The following SOX5 variants were observed in gnomAD, a reference collection of about 807,000 sequenced individuals.
SOX5 encodes transcription factor SOX-5.
A neutral mutation model predicts 92.0 loss-of-function variants in SOX5; 9 were observed. The observed-to-expected ratio is 0.10, with a 90% CI of 0.06 to 0.17. The LOEUF (loss-of-function observed/expected upper bound fraction) is 0.17. Among genes scored for constraint, SOX5 ranks in the 10% least tolerant of loss-of-function variants. The probability of loss-of-function intolerance (pLI) is 1.00; values close to 1 mark genes in which losing one functional copy is unlikely to be tolerated. For synonymous variants in SOX5, 344 were observed against 336.3 expected, an observed-to-expected ratio of 1.02 and a Z score of -0.25; for missense variants, 642 against 944.5, an observed-to-expected ratio of 0.68 and a Z score of 4.20.
chr12:23,741,043 CA>C lies in SOX5; in HGVS notation c.569-5del. ...TCAGCTAAGCTCTCGGGAGTCCCTA[CA>C]AATCATATAGCAATAAAACAGACAA... On this transcript the variant is annotated splice_region_variant and splice_polypyrimidine_tract_variant and intron_variant, in intron 4 of 14. Coordinates refer to ENST00000451604, the MANE Select transcript of SOX5 (RefSeq NM_006940.6). 1 of 1,574,584 alleles carries C rather than the reference CA, an allele frequency of 6.4e-7. No individual in the cohort carries two copies.
chr12:24,071,931 T>G (rs1365903279), intron 4 of SOX5, among the ~76,000 whole-genome samples: 1 of 152,222 alleles, frequency 6.6e-6, no homozygotes, highest in Non-Finnish European at 1.5e-5. Flanking sequence ...TTAGATGGAA[T>G]CTTAGACATT....
At chr12:24,238,875 A>G (rs781164191) in intron 3 of SOX5, among the ~76,000 whole-genome samples, 1 of 152,200 alleles carries the variant, frequency 6.6e-6, no homozygotes, top group Non-Finnish European at 1.5e-5. Flanking sequence ...CATCTCTCAC[A>G]TTCAATGTCA....
At chr12:24,309,784 A>T (rs1396202) in intron 2 of SOX5, among the ~76,000 whole-genome samples, 21 of 152,320 alleles carry the variant, frequency 1.4e-4, no homozygotes, top group African/African-American at 5.1e-4. Flanking sequence ...AAAAACCGTG[A>T]TAGGAAAAGA....
At chr12:24,345,575 A>C (rs1404698254) in intron 2 of SOX5, among the ~76,000 whole-genome samples, 1 of 152,140 alleles carries the variant, frequency 6.6e-6, no homozygotes, top group Non-Finnish European at 1.5e-5. Context: ...TTTATTGATT[A>C]GATTAATTAT....
At chr12:24,453,051 T>A (rs1423264055) in intron 1 of SOX5, among the ~76,000 whole-genome samples, 1 of 152,220 alleles carries the variant, frequency 6.6e-6, no homozygotes, top group Admixed American at 6.5e-5. Context: ...TTATATTTTT[T>A]AAATATTTAT....
chr12:23,559,080 A>G (rs1945749964), intron 11 of SOX5, among the ~76,000 whole-genome samples: 1 of 152,148 alleles, frequency 6.6e-6, no homozygotes, highest in Admixed American at 6.6e-5. Context: ...CTGGGCCTCT[A>G]TTGTATTAAG....
intron 7 of SOX5, among the ~76,000 whole-genome samples, chr12:23,664,330 T>C (rs2083478422): frequency 6.6e-6 from 1 of 151,864 alleles, no homozygotes; most frequent in Non-Finnish European, 1.5e-5. Flanking sequence ...AACATATATA[T>C]ATATATAAGC....
intron 6 of SOX5, among the ~76,000 whole-genome samples, chr12:23,716,568 A>C (rs978090608): frequency 4.6e-5 from 7 of 152,314 alleles, no homozygotes; most frequent in East Asian, 1.9e-4. Context: ...GAAATTTTTA[A>C]AAAAGCCTTT....
At chr12:23,851,314 G>A (rs1203095327) in intron 2 of SOX5, among the ~76,000 whole-genome samples, 2 of 151,998 alleles carry the variant, frequency 1.3e-5, no homozygotes, top group Non-Finnish European at 2.9e-5. Context: ...AGACAGAATT[G>A]CTAACTTCTA....
At chr12:23,977,480 G>A (rs1949045006) in intron 4 of SOX5, among the ~76,000 whole-genome samples, 1 of 152,082 alleles carries the variant, frequency 6.6e-6, no homozygotes, top group Admixed American at 6.5e-5. Flanking sequence ...GGTGAGCCTG[G>A]CCAACATGGC....
At chr12:23,786,326 A>G (rs935794887) in intron 3 of SOX5, among the ~76,000 whole-genome samples, 1 of 152,038 alleles carries the variant, frequency 6.6e-6, no homozygotes, top group Non-Finnish European at 1.5e-5. Flanking sequence ...AGCTATTTAA[A>G]TTATAAAAAG....
intron 1 of SOX5, among the ~76,000 whole-genome samples, chr12:24,518,518 C>A (rs1949992326): frequency 6.6e-6 from 1 of 152,008 alleles, no homozygotes; most frequent in African/African-American, 2.4e-5. Flanking sequence ...TACAGAGAAT[C>A]ACTTATATCT....
At chr12:23,714,169 G>C (rs1182850881) in intron 6 of SOX5, among the ~76,000 whole-genome samples, 1 of 151,440 alleles carries the variant, frequency 6.6e-6, no homozygotes, top group African/African-American at 2.4e-5. Flanking sequence ...TTTGGTATCT[G>C]TATGATATTC....
At chr12:24,501,236 A>C (rs947903061) in intron 1 of SOX5, among the ~76,000 whole-genome samples, 2 of 152,152 alleles carry the variant, frequency 1.3e-5, no homozygotes, top group Non-Finnish European at 2.9e-5. Flanking sequence ...CATTAAGAGC[A>C]GTTTTAGCAC....
At chr12:23,662,022 A>T (rs1349319033) in intron 7 of SOX5, among the ~76,000 whole-genome samples, 1 of 152,170 alleles carries the variant, frequency 6.6e-6, no homozygotes, top group African/African-American at 2.4e-5. Flanking sequence ...AGATTATTCA[A>T]CTAATTTTTT....
intron 1 of SOX5, among the ~76,000 whole-genome samples, chr12:24,531,296 A>C (rs904626916): frequency 1.3e-5 from 2 of 152,176 alleles, no homozygotes; most frequent in Non-Finnish European, 2.9e-5. Context: ...ATGAGACACA[A>C]AAAGCCACTG....
chr12:23,760,824 C>G (rs2094543426), intron 3 of SOX5, among the ~76,000 whole-genome samples: 1 of 152,106 alleles, frequency 6.6e-6, no homozygotes, highest in Admixed American at 6.6e-5. Context: ...CACATTTGCT[C>G]CAGTGCAGTA....
chr12:24,046,305 G>A (rs540368508), intron 4 of SOX5, among the ~76,000 whole-genome samples: 3 of 152,144 alleles, frequency 2.0e-5, no homozygotes, highest in Admixed American at 6.6e-5. Context: ...TGGTGAACTC[G>A]AAATGGAATC....
intron 6 of SOX5, among the ~76,000 whole-genome samples, chr12:23,667,042 G>T (rs918340112): frequency 2.6e-5 from 4 of 152,026 alleles, no homozygotes; most frequent in Admixed American, 6.6e-5. Context: ...ATTTTGGTTG[G>T]TGAGTGTGGG....
Sources: gnomAD v4.1 joint callset for allele counts (sites outside exome capture counted in the v4.1 genomes callset) on GRCh38, gnomAD v4.1.1 for gene constraint, MANE v1.5 for transcripts, NCBI Gene and HGNC (gene_info 2026-07-23, HGNC 2026-07-21) for gene names.